Variants in GABRB3 observed in about 807,000 individuals in gnomAD.
The protein encoded by GABRB3 is gamma-aminobutyric acid type A receptor subunit beta3.
In GABRB3, 14 loss-of-function variants were observed where a neutral mutation model predicts 52.1. The observed-to-expected ratio is 0.27, with a 90% CI of 0.18 to 0.42. The LOEUF (loss-of-function observed/expected upper bound fraction) is 0.42. Ranked by LOEUF, GABRB3 falls within the 10% of genes least tolerant of loss-of-function variation. The pLI is 1.00. For synonymous variants in GABRB3, 260 were observed against 232.3 expected, an observed-to-expected ratio of 1.12 and a Z score of -1.08; for missense variants, 307 against 609.1, an observed-to-expected ratio of 0.50 and a Z score of 5.22.
intron 3 of GABRB3, among the ~76,000 whole-genome samples, chr15:26,742,178 G>A (rs1347616725): frequency 6.6e-6 from 1 of 151,942 alleles, no homozygotes; most frequent in Non-Finnish European, 1.5e-5. Flanking sequence ...GATACTGACT[G>A]CCTCCCAATT....
chr15:26,545,902 T>G lies in GABRB3; in HGVS notation c.*1891A>C, dbSNP rs1889219826. The G allele has an allele frequency of 6.6e-6, 1 of 152,568 alleles. No individual in the cohort carries two copies. The allele number at this position is 152,568 out of a possible 1,614,324, so 9.5% of individuals were successfully genotyped here. ...TAGGTAATTGCCTCTAGCGTGAGAT[T>G]TTGTGGATTATGTTTTATCTGATGG... On this transcript the variant is annotated 3_prime_UTR_variant, in exon 9 of 9. Coordinates refer to ENST00000311550, the MANE Select transcript of GABRB3 (RefSeq NM_000814.6).
intron 3 of GABRB3, among the ~76,000 whole-genome samples, chr15:26,633,675 C>T (rs1245737230): frequency 5.3e-5 from 8 of 152,194 alleles, no homozygotes; most frequent in African/African-American, 1.9e-4. Context: ...CCCAGGAATT[C>T]GTCTGATTGA....
At chr15:26,608,864 G>A (rs1891942393) in intron 4 of GABRB3, among the ~76,000 whole-genome samples, 1 of 152,010 alleles carries the variant, frequency 6.6e-6, no homozygotes, top group Non-Finnish European at 1.5e-5. Context: ...GCAAATTAGT[G>A]CAGTCATTAT....
At chr15:26,586,254 C>T (rs2140745434) in intron 4 of GABRB3, among the ~76,000 whole-genome samples, 1 of 152,156 alleles carries the variant, frequency 6.6e-6, no homozygotes, top group Non-Finnish European at 1.5e-5. Flanking sequence ...GCCTTGGTCT[C>T]CTAAAGTGCT....
chr15:26,630,471 C>T (rs1892881245), intron 3 of GABRB3, among the ~76,000 whole-genome samples: 1 of 152,354 alleles, frequency 6.6e-6, no homozygotes, highest in Admixed American at 6.5e-5. Context: ...TGAACTATTA[C>T]AGTTTATCAA....
intron 4 of GABRB3, chr15:26,613,338 G>C (rs1892142108): frequency 1.3e-5 from 2 of 152,602 alleles, no homozygotes; most frequent in Admixed American, 1.3e-4. Context: ...TTGAACCTGG[G>C]AGGTGGAGGT....
At chr15:26,595,998 A>G (rs1349478607) in intron 4 of GABRB3, among the ~76,000 whole-genome samples, 5 of 152,144 alleles carry the variant, frequency 3.3e-5, no homozygotes, top group Admixed American at 6.5e-5. Context: ...TCTTTCTAAC[A>G]AACTGGATTT....
intron 8 of GABRB3, among the ~76,000 whole-genome samples, chr15:26,559,369 G>A (rs1169733432): frequency 6.6e-6 from 1 of 152,138 alleles, no homozygotes; most frequent in Non-Finnish European, 1.5e-5. Context: ...AAGCCGGGCA[G>A]ACATTATTGC....
At chr15:26,767,762 C>T (rs1403242721) in intron 3 of GABRB3, among the ~76,000 whole-genome samples, 1 of 152,224 alleles carries the variant, frequency 6.6e-6, no homozygotes, top group Non-Finnish European at 1.5e-5. Context: ...GACTAATTAA[C>T]ATAAATTTAG....
chr15:26,560,670 C>A (rs1419681233), intron 8 of GABRB3, among the ~76,000 whole-genome samples: 1 of 151,708 alleles, frequency 6.6e-6, no homozygotes, highest in African/African-American at 2.4e-5. Context: ...CAACAGTCCT[C>A]TTTGTGTAAG....
At chr15:26,688,587 C>T (rs1863467) in intron 3 of GABRB3, among the ~76,000 whole-genome samples, 69,070 of 152,000 alleles carry the variant, frequency 0.45, 18,027 homozygotes, top group Non-Finnish European at 0.57. Context: ...GTCACCGATG[C>T]TATTTGTGGA....
intron 4 of GABRB3, among the ~76,000 whole-genome samples, chr15:26,589,623 C>G (rs1164545014): frequency 6.6e-6 from 1 of 152,112 alleles, no homozygotes; most frequent in Non-Finnish European, 1.5e-5. Context: ...CCTCAGCTTC[C>G]TCCTTTTGAA....
chr15:26,659,430 G>A (rs1322026762), intron 3 of GABRB3, among the ~76,000 whole-genome samples: 1 of 152,090 alleles, frequency 6.6e-6, no homozygotes, highest in East Asian at 1.9e-4. Flanking sequence ...GCTGAGGCAG[G>A]AGAATCGCTT....
chr15:26,725,729 G>A lies in GABRB3; in HGVS notation c.240+46673C>T, dbSNP rs187798557. 2.1e-3 allele frequency among the ~76,000 whole-genome samples: 321 copies of A among 152,068 alleles called. 1 individual carries two copies. The highest frequency in any genetic ancestry group is 6.2e-3 in the African/African-American group (259 of 41,482). Reference sequence around the variant, plus strand: ...TATATAATGAGATATCCTGGGGATGGGACCCAAGTCTAAGCATGAAATTCA... The same window carrying A: ...TATATAATGAGATATCCTGGGGATGAGACCCAAGTCTAAGCATGAAATTCA... On this transcript the variant is annotated intron_variant, in intron 3 of 8. Coordinates refer to ENST00000311550, the MANE Select transcript of GABRB3 (RefSeq NM_000814.6).
intron 3 of GABRB3, among the ~76,000 whole-genome samples, chr15:26,745,214 C>T (rs974723727): frequency 5.3e-5 from 8 of 152,160 alleles, no homozygotes; most frequent in Admixed American, 4.6e-4. Context: ...CCCACCTTAA[C>T]ACTGGGGATT....
At chr15:26,665,244 C>T (rs1273341954) in intron 3 of GABRB3, among the ~76,000 whole-genome samples, 1 of 152,186 alleles carries the variant, frequency 6.6e-6, no homozygotes, top group East Asian at 1.9e-4. Context: ...CTTTATCCCT[C>T]ACTCTCTGCC....
At chr15:26,563,331 T>C (rs903154155) in intron 7 of GABRB3, among the ~76,000 whole-genome samples, 11 of 152,198 alleles carry the variant, frequency 7.2e-5, no homozygotes, top group African/African-American at 2.7e-4. Flanking sequence ...GGCTCAGGAA[T>C]CCCTAACAAT....
chr15:26,614,891 C>T (rs1033411373), intron 4 of GABRB3: 14 of 152,140 alleles, frequency 9.2e-5, no homozygotes, highest in African/African-American at 3.4e-4. Context: ...TTTTGCAATA[C>T]ACTTCTCAGG....
At chr15:26,645,886 A>G (rs56301940) in intron 3 of GABRB3, among the ~76,000 whole-genome samples, 39,043 of 151,788 alleles carry the variant, frequency 0.26, 6,325 homozygotes, top group East Asian at 0.82. Flanking sequence ...CAGCCTCCCA[A>G]TGGTCTTTGT....
Sources: allele counts gnomAD v4.1 joint callset (sites outside exome capture counted in the v4.1 genomes callset), GRCh38; gene constraint gnomAD v4.1.1; transcripts MANE v1.5; gene names NCBI Gene and HGNC (gene_info 2026-07-23, HGNC 2026-07-21).